The following MINK1 variants were observed in gnomAD, a reference collection of about 807,000 sequenced individuals.
MINK1 encodes the protein misshapen like kinase 1, also known as misshapen-like kinase 1.
In MINK1, 46 loss-of-function variants were observed where a neutral mutation model predicts 178.4. The observed-to-expected ratio is 0.26, with a 90% CI of 0.20 to 0.33. MINK1 has a LOEUF of 0.33. Among genes scored for constraint, MINK1 ranks in the 10% least tolerant of loss-of-function variants. The pLI is 1.00. For missense variants in MINK1, 1,366 were observed against 1,814.9 expected (o/e 0.75, Z 4.49); for synonymous variants, 797 against 709.7 (o/e 1.12, Z -1.96).
intron 4 of MINK1, 78 bp from the exon 5 acceptor site, chr17:4,884,285 C>G: frequency 9.0e-7 from 1 of 1,116,550 alleles, no homozygotes; most frequent in Non-Finnish European, 1.4e-6. Context: ...CTCCAGGAGT[C>G]TAGCAGGGGA....
Position 4,896,913 on chromosome 17 carries a change from T to A in MINK1, c.3915+100T>A. ...GGAGAGGATGGTGGTGGTGGCTTCC[T>A]GAAAGCGGGCCCCTCTGGGAGCTCA... On this transcript the variant is annotated intron_variant, in intron 31 of 31. Transcript: ENST00000355280. This position sits in a 1 kb window ranked among gnomAD's most constrained non-coding sequence, Gnocchi z 4.6. 6.9e-7 allele frequency: 1 copy of A among 1,440,798 alleles called. No homozygotes were observed. The highest frequency in any genetic ancestry group is 9.2e-7 in the Non-Finnish European group (1 of 1,088,338). 89.3% of individuals were successfully genotyped at this position (1,440,798 alleles called of 1,614,324 possible).
At chr17:4,874,845 T>C (rs1414639853) in intron 1 of MINK1, among the ~76,000 whole-genome samples, 3 of 152,086 alleles carry the variant, frequency 2.0e-5, no homozygotes, top group Non-Finnish European at 4.4e-5. Flanking sequence ...GTGTCTGACC[T>C]CAAATATTCC....
intron 1 of MINK1, among the ~76,000 whole-genome samples, chr17:4,876,530 A>C (rs1261655484): frequency 6.6e-6 from 1 of 151,870 alleles, no homozygotes; most frequent in Non-Finnish European, 1.5e-5. Flanking sequence ...TGGGCTTATT[A>C]CTTCAGTGGA....
chr17:4,893,963 G>A lies in MINK1; in HGVS notation c.2565-25G>A, dbSNP rs980424894. 2.0e-6 allele frequency: 3 copies of A among 1,536,386 alleles called. No homozygotes were observed. The East Asian group carries it at 7.1e-5, about 36-fold the overall frequency. On this transcript the variant is annotated intron_variant, in intron 21 of 31. Coordinates refer to ENST00000355280, the MANE Select transcript of MINK1 (RefSeq NM_153827.5). ...TCTGTGGCCACGGGCAGGACCTGGA[G>A]GGGCCCCACCTTCCTCTCTCACAGC... is the stretch of plus-strand genomic sequence containing the variant.
chr17:4,873,697 C>A (rs1966916912), intron 1 of MINK1, among the ~76,000 whole-genome samples: 1 of 147,630 alleles, frequency 6.8e-6, no homozygotes. Flanking sequence ...CGGCTCACTG[C>A]AACCTCCACC....
At chr17:4,854,764 TAGAC>T (rs543349475) in intron 1 of MINK1, 17 of 495,314 alleles carry the variant, frequency 3.4e-5, no homozygotes, top group East Asian at 2.3e-4. Flanking sequence ...TAGCCATCGA[TAGAC>T]AGAGGACAAG....
At chr17:4,848,608 C>G (rs947563262) in intron 1 of MINK1, among the ~76,000 whole-genome samples, 1 of 152,218 alleles carries the variant, frequency 6.6e-6, no homozygotes, top group African/African-American at 2.4e-5. Flanking sequence ...GATCCGCCTG[C>G]CTCGGCCTCC....
intron 1 of MINK1, among the ~76,000 whole-genome samples, chr17:4,867,063 G>A (rs1174727647): frequency 1.8e-5 from 1 of 57,080 alleles, no homozygotes; most frequent in Non-Finnish European, 4.1e-5. Context: ...GACAGAGTGA[G>A]ACTCGTCTCA....
intron 1 of MINK1, among the ~76,000 whole-genome samples, chr17:4,869,122 C>T (rs1038639572): frequency 4.0e-5 from 6 of 151,792 alleles, no homozygotes; most frequent in Non-Finnish European, 7.4e-5. Flanking sequence ...GACGGGGTTT[C>T]ATCATGTTAG....
chr17:4,867,767 G>A (rs958475250), intron 1 of MINK1, among the ~76,000 whole-genome samples: 2 of 151,554 alleles, frequency 1.3e-5, no homozygotes, highest in African/African-American at 4.8e-5. Context: ...AGCCAAGATG[G>A]CGCCATTGCA....
chr17:4,838,366 T>C (rs1909617855), intron 1 of MINK1, among the ~76,000 whole-genome samples: 2 of 151,722 alleles, frequency 1.3e-5, no homozygotes, highest in Admixed American at 6.6e-5. Context: ...AGCAGGGAGG[T>C]TTTGACAGTT....
intron 15 of MINK1, 102 bp downstream of exon 15, chr17:4,891,226 C>T (rs1968780910): frequency 2.4e-6 from 2 of 848,154 alleles, no homozygotes; most frequent in Admixed American, 7.5e-5. Flanking sequence ...ACACACACAC[C>T]TGCTCAGCCG....
chr17:4,896,888 G>GA lies in MINK1; in HGVS notation c.3915+75_3915+76insA, dbSNP rs72531752. On this transcript the variant is annotated intron_variant, in intron 31 of 31. Transcript: ENST00000355280. The surrounding 1 kb of genome is among the most constrained non-coding windows in gnomAD (Gnocchi z 4.6). The stretch of plus-strand genomic sequence containing the variant: ...CCTAGGCCCCTGGGCAGAGTTCTGG[G>GA]GAGAGGATGGTGGTGGTGGCTTCCT... 1 of 1,488,836 alleles carries GA rather than the reference G, an allele frequency of 6.7e-7. No homozygotes were observed. The highest frequency in any genetic ancestry group is 8.9e-7 in the Non-Finnish European group (1 of 1,120,802). The allele number at this position is 1,488,836 out of a possible 1,614,324, so 92.2% of individuals were successfully genotyped here.
Position 4,891,059 on chromosome 17 carries a change from C to G in MINK1, c.1675C>G (p.Pro559Ala), listed in dbSNP as rs975794790. The G allele has an allele frequency of 3.9e-6, 6 of 1,554,278 alleles. No homozygotes were observed. In the African/African-American group the frequency reaches 8.2e-5, roughly 21 times the overall value. ...CATCCCCCAGGCCTCCCCAGGGCCCCCAGGACCCCTTTCCCAGACTCCTCC... is the reference window on the plus strand; with the variant it reads ...CATCCCCCAGGCCTCCCCAGGGCCCGCAGGACCCCTTTCCCAGACTCCTCC... ...PPIPQASPGP[P>A]GPLSQTPPMQ... The change falls in exon 15 of 32, where the codon CCA becomes GCA. Residue 559 changes from proline (P) to alanine (A), a missense_variant. Physicochemically the swap from Pro to Ala is conservative, Grantham distance 27 (BLOSUM62 -1). Transcript: ENST00000355280.
At chr17:4,865,663 G>A (rs926609259) in intron 1 of MINK1, among the ~76,000 whole-genome samples, 5 of 147,444 alleles carry the variant, frequency 3.4e-5, no homozygotes, top group Non-Finnish European at 5.9e-5. Context: ...CAGGAGGATC[G>A]CTTGAGCCCA....
chr17:4,891,183 G>A, intron 15 of MINK1, 59 bp downstream of exon 15: 1 of 1,248,968 alleles, frequency 8.0e-7, no homozygotes, highest in Non-Finnish European at 1.1e-6. Flanking sequence ...TCAGAGCACA[G>A]GTACACACAC....
Position 4,886,964 on chromosome 17 carries a change from C to A in MINK1, c.950-146C>A. Reference sequence around the variant, plus strand: ...TGTCCAGGCCCACACCTGAGACCCGCTGTCCTCCCATTGCCCCCAGGAAGT... The same window carrying A: ...TGTCCAGGCCCACACCTGAGACCCGATGTCCTCCCATTGCCCCCAGGAAGT... On this transcript the variant is annotated intron_variant, in intron 10 of 31. Transcript: ENST00000355280. The surrounding 1 kb of genome is among the most constrained non-coding windows in gnomAD (Gnocchi z 6.1). 1 of 763,470 alleles carries A rather than the reference C, an allele frequency of 1.3e-6. No homozygotes were observed. Among genetic ancestry groups the A allele is most frequent in the Non-Finnish European group, 2.1e-6 (1 of 465,752 alleles). 47.3% of individuals were successfully genotyped at this position (763,470 alleles called of 1,614,324 possible).
At chr17:4,853,538 T>C (rs1292945986) in intron 1 of MINK1, among the ~76,000 whole-genome samples, 2 of 151,910 alleles carry the variant, frequency 1.3e-5, no homozygotes, top group Non-Finnish European at 2.9e-5. Flanking sequence ...GAGCGCTTGC[T>C]TCACCTTGAC....
intron 1 of MINK1, among the ~76,000 whole-genome samples, chr17:4,860,206 A>AC (rs997653728): frequency 3.9e-5 from 6 of 152,126 alleles, no homozygotes; most frequent in Admixed American, 2.0e-4. Flanking sequence ...AAGAAATGTG[A>AC]CCCCCAAGCC....
Sources: allele counts gnomAD v4.1 joint callset (sites outside exome capture counted in the v4.1 genomes callset), GRCh38; gene constraint gnomAD v4.1.1; non-coding constraint Gnocchi (gnomAD v3.1); transcripts MANE v1.5; gene names NCBI Gene and HGNC (gene_info 2026-07-23, HGNC 2026-07-21).